Variants in PRELID2 observed in about 807,000 individuals in gnomAD.
PRELID2 encodes PRELI domain containing 2.
A neutral mutation model predicts 28.4 loss-of-function variants in PRELID2; 25 were observed. The observed-to-expected ratio is 0.88, with a 90% CI of 0.64 to 1.23. The LOEUF is 1.23. Ranked by LOEUF, PRELID2 falls within the 50% of genes most tolerant of loss-of-function variation. PRELID2 has a pLI of 0.00. For missense variants in PRELID2, 201 were observed against 214.4 expected (o/e 0.94, Z 0.39); for synonymous variants, 76 against 71.6 (o/e 1.06, Z -0.31).
chr5:145,459,747 T>C, the PRELID2 span, among the ~76,000 whole-genome samples: 2 of 152,084 alleles, frequency 1.3e-5, no homozygotes, highest in Non-Finnish European at 2.9e-5. Context: ...ATCTTCTTAC[T>C]TTTTCTTTAT....
the PRELID2 span, among the ~76,000 whole-genome samples, chr5:145,298,808 A>G: frequency 1.3e-5 from 2 of 152,192 alleles, no homozygotes; most frequent in African/African-American, 2.4e-5. Flanking sequence ...ATAGTATAGT[A>G]TACATTTTAA....
the PRELID2 span, among the ~76,000 whole-genome samples, chr5:145,283,321 G>A: frequency 6.6e-6 from 1 of 152,114 alleles, no homozygotes; most frequent in Non-Finnish European, 1.5e-5. Context: ...AACTGGGGGG[G>A]AAAGATTGTC....
At chr5:145,819,248 G>A in intron 3 of PRELID2, 1 of 682,886 alleles carries the variant, frequency 1.5e-6, no homozygotes, top group Non-Finnish European at 2.6e-6. Flanking sequence ...CTCTTGGGTT[G>A]AAACTACCCT....
the PRELID2 span, among the ~76,000 whole-genome samples, chr5:145,333,552 A>G: frequency 1.3e-3 from 197 of 152,236 alleles, no homozygotes; most frequent in African/African-American, 3.8e-3. Context: ...AAACTTCCCA[A>G]TGGCTTTGTT....
At chr5:145,441,291 A>G in the PRELID2 span, 2 of 151,972 alleles carry the variant, frequency 1.3e-5, no homozygotes, top group Non-Finnish European at 2.9e-5. Context: ...CAGCTGAAAA[A>G]ACTCAAGTTC....
the PRELID2 span, among the ~76,000 whole-genome samples, chr5:145,358,747 A>G: frequency 2.0e-5 from 3 of 152,230 alleles, no homozygotes; most frequent in African/African-American, 7.2e-5. Context: ...TGGATGAAGA[A>G]GTAGAAAGAG....
At chr5:145,515,678 G>C (rs564569630) in intron 1 of PRELID2, among the ~76,000 whole-genome samples, 1 of 151,974 alleles carries the variant, frequency 6.6e-6, no homozygotes, top group Non-Finnish European at 1.5e-5. Context: ...ACTTGGCAGA[G>C]ACAAGAAAAC....
intron 1 of PRELID2, among the ~76,000 whole-genome samples, chr5:145,623,213 G>A (rs899796198): frequency 5.9e-5 from 9 of 151,660 alleles, no homozygotes; most frequent in Admixed American, 2.0e-4. Flanking sequence ...CACTTTGGGA[G>A]GCCACAGTGG....
chr5:145,657,387 T>C (rs1379441251), intron 1 of PRELID2, among the ~76,000 whole-genome samples: 1 of 152,194 alleles, frequency 6.6e-6, no homozygotes, highest in Non-Finnish European at 1.5e-5. Context: ...TCATCAAGGA[T>C]ACATTAGCTG....
chr5:145,548,130 T>C (rs1434455958), intron 1 of PRELID2, among the ~76,000 whole-genome samples: 1 of 152,208 alleles, frequency 6.6e-6, no homozygotes, highest in Non-Finnish European at 1.5e-5. Context: ...AAAATCATCC[T>C]GGCCACAGAA....
the PRELID2 span, among the ~76,000 whole-genome samples, chr5:145,273,880 T>C: frequency 2.6e-4 from 39 of 152,190 alleles, no homozygotes; most frequent in African/African-American, 8.7e-4. Context: ...GCCATAGGCA[T>C]AGGCAATGAC....
chr5:145,432,365 T>G, the PRELID2 span, among the ~76,000 whole-genome samples: 1 of 150,486 alleles, frequency 6.6e-6, no homozygotes, highest in African/African-American at 2.4e-5. Context: ...CCCAATTCAG[T>G]CTTCTGAGTC....
the PRELID2 span, among the ~76,000 whole-genome samples, chr5:145,362,392 C>T: frequency 2.6e-5 from 4 of 152,206 alleles, no homozygotes; most frequent in East Asian, 1.9e-4. Flanking sequence ...CTTTCTGCAA[C>T]GTGTTTCCAT....
chr5:145,492,633 A>G (rs1752278890), intron 1 of PRELID2, among the ~76,000 whole-genome samples: 1 of 141,668 alleles, frequency 7.1e-6, no homozygotes, highest in Admixed American at 7.1e-5. Context: ...GTTTTCTTCT[A>G]AAGTTTCACA....
the PRELID2 span, among the ~76,000 whole-genome samples, chr5:145,460,147 A>G: frequency 6.6e-6 from 1 of 152,182 alleles, no homozygotes; most frequent in African/African-American, 2.4e-5. Context: ...AAGAGTTATC[A>G]CAATTCATGT....
the PRELID2 span, among the ~76,000 whole-genome samples, chr5:145,252,939 T>C: frequency 6.6e-6 from 1 of 152,154 alleles, no homozygotes; most frequent in Non-Finnish European, 1.5e-5. Context: ...TAAATTTTAC[T>C]ATATTTTAAA....
intron 1 of PRELID2, among the ~76,000 whole-genome samples, chr5:145,568,621 C>T (rs1017007013): frequency 1.3e-5 from 2 of 152,204 alleles, no homozygotes; most frequent in African/African-American, 4.8e-5. Flanking sequence ...GAATTTCTCT[C>T]CCAGTCAGCC....
At chr5:145,582,040 A>G (rs1425850641) in intron 1 of PRELID2, among the ~76,000 whole-genome samples, 2 of 152,068 alleles carry the variant, frequency 1.3e-5, no homozygotes, top group East Asian at 3.9e-4. Flanking sequence ...TTGTGTTATA[A>G]TGAGTTGTGA....
chr5:145,445,759 C>T, the PRELID2 span, among the ~76,000 whole-genome samples: 1 of 151,932 alleles, frequency 6.6e-6, no homozygotes, highest in African/African-American at 2.4e-5. Context: ...CACACACACA[C>T]ACACACACAT....
Sources: gnomAD v4.1 joint callset for allele counts (sites outside exome capture counted in the v4.1 genomes callset) on GRCh38, gnomAD v4.1.1 for gene constraint, MANE v1.5 for transcripts, NCBI Gene and HGNC (gene_info 2026-07-23, HGNC 2026-07-21) for gene names.